CEMIP: variants seen among roughly 807,000 people sequenced by gnomAD.
The protein encoded by CEMIP is cell migration-inducing and hyaluronan-binding protein.
Under a neutral mutation model 156.9 loss-of-function variants are expected in CEMIP, and 105 were observed. That is an observed-to-expected ratio of 0.67 (90% CI 0.57 to 0.79). CEMIP has a LOEUF of 0.79. Ranked by LOEUF, CEMIP falls within the 30% of genes least tolerant of loss-of-function variation. The probability of loss-of-function intolerance (pLI) is 0.00; values close to 1 mark genes in which losing one functional copy is unlikely to be tolerated. For missense variants in CEMIP, 1,457 were observed against 1,769.4 expected, an observed-to-expected ratio of 0.82 and a Z score of 3.17; for synonymous variants, 676 against 668.4, an observed-to-expected ratio of 1.01 and a Z score of -0.17.
Position 80,828,198 on chromosome 15 carries a change from G to A in CEMIP, c.-175-45340G>A, listed in dbSNP as rs10162900. 7.4e-3 allele frequency among the ~76,000 whole-genome samples: 1,131 copies of A among 152,200 alleles called. 16 individuals are homozygous for A. Among genetic ancestry groups the A allele is most frequent in the African/African-American group, 0.025 (1,050 of 41,526 alleles). Reference sequence around the variant, plus strand: ...GTTCGAGACCAGCCTAGCTAACATGGTGAAACCTCGTCTCTACTAAAAATA... The same window carrying A: ...GTTCGAGACCAGCCTAGCTAACATGATGAAACCTCGTCTCTACTAAAAATA... On this transcript the variant is annotated intron_variant, in intron 1 of 29. Coordinates refer to ENST00000394685, the MANE Select transcript of CEMIP (RefSeq NM_001293298.2).
At position 80,932,091 on chromosome 15, in the gene CEMIP, A is replaced by T; in HGVS notation, c.2793+52A>T. ...CGGCAAACCCAGACTTTGGATGGTGATTCACAAGTCCCCTGGGTCCCAGAG... is the reference window on the plus strand; with the variant it reads ...CGGCAAACCCAGACTTTGGATGGTGTTTCACAAGTCCCCTGGGTCCCAGAG... On this transcript the variant is annotated intron_variant, in intron 22 of 29. Transcript: ENST00000394685. This position sits in a 1 kb window ranked among gnomAD's most constrained non-coding sequence, Gnocchi z 4.5. The T allele has an allele frequency of 1.9e-6, 3 of 1,593,032 alleles. No homozygotes were observed. The highest frequency in any genetic ancestry group is 2.6e-6 in the Non-Finnish European group (3 of 1,169,272).
intron 1 of CEMIP, among the ~76,000 whole-genome samples, chr15:80,824,776 T>C (rs1896992802): frequency 6.6e-6 from 1 of 152,198 alleles, no homozygotes; most frequent in South Asian, 2.1e-4. Flanking sequence ...TCTCTTGTCT[T>C]TGATTCTTCC....
Position 80,807,288 on chromosome 15 carries a change from T to A in CEMIP, c.-176+27674T>A, listed in dbSNP as rs1316038485. 5.3e-5 allele frequency among the ~76,000 whole-genome samples: 8 copies of A among 150,966 alleles called. No individual in the cohort carries two copies. In the South Asian group the frequency reaches 1.7e-3, roughly 32 times the overall value. ...TTCTGTCACCAAGGCTAGAGTGCAG[T>A]GGCACAATCATAGCTCACTGCAGCC... On this transcript the variant is annotated intron_variant, in intron 1 of 29. Coordinates refer to ENST00000394685, the MANE Select transcript of CEMIP (RefSeq NM_001293298.2).
rs1177710330 is a variant in CEMIP, at chr15:80,950,239, A to C, written c.*1315A>C. On this transcript the variant is annotated 3_prime_UTR_variant, in exon 30 of 30. Coordinates refer to ENST00000394685, the MANE Select transcript of CEMIP (RefSeq NM_001293298.2). ...AAGCCTTCATTTTAACAGATGGGGA[A>C]AGTGAGCCCCCAAGATGGGAAAGAA... 6.6e-6 allele frequency: 1 copy of C among 152,286 alleles called. No homozygotes were observed. The highest frequency in any genetic ancestry group is 6.5e-5 in the Admixed American group (1 of 15,290). 9.4% of individuals were successfully genotyped at this position (152,286 alleles called of 1,614,324 possible). A position where few individuals can be genotyped will look rare whatever the true frequency, so the allele number is the denominator to read the frequency against.
In CEMIP at chr15:80,932,085, A is replaced by T; in HGVS notation, c.2793+46A>T. The T allele has an allele frequency of 4.4e-6, 7 of 1,601,722 alleles. No homozygotes were observed. Among genetic ancestry groups the T allele is most frequent in the Non-Finnish European group, 6.0e-6 (7 of 1,176,264 alleles). On this transcript the variant is annotated intron_variant, in intron 22 of 29. Coordinates refer to ENST00000394685, the MANE Select transcript of CEMIP (RefSeq NM_001293298.2). This position sits in a 1 kb window ranked among gnomAD's most constrained non-coding sequence, Gnocchi z 4.5. ...GACTCCCGGCAAACCCAGACTTTGG[A>T]TGGTGATTCACAAGTCCCCTGGGTC...
At chr15:80,786,324 C>T (rs993646447) in intron 1 of CEMIP, among the ~76,000 whole-genome samples, 2 of 152,128 alleles carry the variant, frequency 1.3e-5, no homozygotes, top group Admixed American at 6.5e-5. Flanking sequence ...GCAGCCCCAA[C>T]CTCCTAGGCT....
intron 1 of CEMIP, among the ~76,000 whole-genome samples, chr15:80,843,672 T>A (rs1203316779): frequency 1.3e-5 from 2 of 152,226 alleles, no homozygotes; most frequent in Admixed American, 6.5e-5. Flanking sequence ...CTAACCCTTT[T>A]GTGGCGTCAG....
rs1254305663 is a variant in CEMIP, at chr15:80,932,362, CT to C, written c.2793+325del. On this transcript the variant is annotated intron_variant, in intron 22 of 29. Transcript: ENST00000394685. The surrounding 1 kb of genome is among the most constrained non-coding windows in gnomAD (Gnocchi z 4.5). ...GGGACTTGACTTTGACAAACTGAGT[CT>C]TCTGACCAGGCCACCTGAGTTGGCA... Among the ~76,000 whole-genome samples, 2 of 152,194 alleles carry C rather than the reference CT, an allele frequency of 1.3e-5. No homozygotes were observed. Among genetic ancestry groups the C allele is most frequent in the African/African-American group, 4.8e-5 (2 of 41,436 alleles).
At chr15:80,827,223 G>A (rs1051525188) in intron 1 of CEMIP, among the ~76,000 whole-genome samples, 1 of 151,946 alleles carries the variant, frequency 6.6e-6, no homozygotes, top group African/African-American at 2.4e-5. Context: ...TACCTGATAT[G>A]AGAAAGGGAG....
In CEMIP at chr15:80,942,314, TG is replaced by T; in HGVS notation, c.3678del (p.Trp1226Ter). 1 of 1,614,168 alleles carries T rather than the reference TG, an allele frequency of 6.2e-7. No individual in the cohort carries two copies. Among genetic ancestry groups the T allele is most frequent in the Non-Finnish European group, 8.5e-7 (1 of 1,179,966 alleles). On this transcript the variant is annotated frameshift_variant, in exon 27 of 30. Transcript: ENST00000394685. LOFTEE classifies it high-confidence loss of function. Reference protein sequence around the residue: ...ESSKQHFFHLWNDFAYIEVDG... With the variant: ...ESSKQHFFHLXNDFAYIEVDG... ...TTCCAAGCAGCACTTCTTCCACCTC[TG>T]GAACGACTTCGCTTACATTGAAGTA... is the stretch of plus-strand genomic sequence containing the variant.
At chr15:80,862,551 G>A (rs556090203) in intron 1 of CEMIP, among the ~76,000 whole-genome samples, 1 of 152,334 alleles carries the variant, frequency 6.6e-6, no homozygotes, top group East Asian at 1.9e-4. Context: ...AGGTCACCTG[G>A]CTGTGGAACA....
At chr15:80,909,023 G>T in intron 13 of CEMIP, 74 bp from the exon 14 acceptor site, 1 of 1,390,604 alleles carries the variant, frequency 7.2e-7, no homozygotes, top group Non-Finnish European at 1.0e-6. Context: ...CTGCATCTTT[G>T]GAATATGGGC....
chr15:80,844,355 C>T (rs929229404), intron 1 of CEMIP, among the ~76,000 whole-genome samples: 4 of 152,254 alleles, frequency 2.6e-5, no homozygotes, highest in Non-Finnish European at 4.4e-5. Context: ...AATGCTCAGG[C>T]GACAAGCAAA....
intron 1 of CEMIP, among the ~76,000 whole-genome samples, chr15:80,810,364 T>G (rs1266167771): frequency 3.9e-5 from 6 of 152,228 alleles, no homozygotes; most frequent in African/African-American, 1.4e-4. Context: ...ACCTGTGTTT[T>G]TTTGTTTGTT....
At chr15:80,841,120 T>C (rs559239970) in intron 1 of CEMIP, among the ~76,000 whole-genome samples, 6 of 152,344 alleles carry the variant, frequency 3.9e-5, no homozygotes, top group Non-Finnish European at 8.8e-5. Flanking sequence ...TGCCAGCTGA[T>C]GGCTGCCATG....
At chr15:80,858,187 A>T (rs1429873776) in intron 1 of CEMIP, among the ~76,000 whole-genome samples, 1 of 152,120 alleles carries the variant, frequency 6.6e-6, no homozygotes, top group Non-Finnish European at 1.5e-5. Context: ...ATGGATTGGG[A>T]TAAGGTGGGG....
In CEMIP at chr15:80,839,350, A is replaced by G. The variant is rs563773353; in HGVS notation, c.-175-34188A>G. Among the ~76,000 whole-genome samples, 126 of 138,326 alleles carry G rather than the reference A, an allele frequency of 9.1e-4. 2 individuals are homozygous for G. The South Asian group carries it at 0.016, about 17-fold the overall frequency. The allele number at this position is 138,326 out of a possible 152,430, so 90.7% of individuals were successfully genotyped here. ...TGTGTGTTTAATTTGTGGCTTCAAC[A>G]GAGGCCAGACTTAAGAATGAATGAA... On this transcript the variant is annotated intron_variant, in intron 1 of 29. Transcript: ENST00000394685.
In CEMIP at chr15:80,943,105, G is replaced by T; in HGVS notation, c.3857+3G>T. Reference sequence around the variant, plus strand: ...TATGTGGCGACCATCCCTGACAAGTGAGTCTGTACCTCTGCTTCTGGAATT... The same window carrying T: ...TATGTGGCGACCATCCCTGACAAGTTAGTCTGTACCTCTGCTTCTGGAATT... On this transcript the variant is annotated splice_donor_region_variant and intron_variant, in intron 28 of 29. Coordinates refer to ENST00000394685, the MANE Select transcript of CEMIP (RefSeq NM_001293298.2). 1 of 1,614,206 alleles carries T rather than the reference G, an allele frequency of 6.2e-7. No homozygotes were observed. Among genetic ancestry groups the T allele is most frequent in the East Asian group, 2.2e-5 (1 of 44,884 alleles).
At chr15:80,874,052 G>C in intron 3 of CEMIP, 79 bp downstream of exon 3, 1 of 1,368,168 alleles carries the variant, frequency 7.3e-7, no homozygotes, top group Non-Finnish European at 1.0e-6. Flanking sequence ...CTGCTTTTGG[G>C]GGAGCCAGGA....
Sources: allele counts gnomAD v4.1 joint callset (sites outside exome capture counted in the v4.1 genomes callset), GRCh38; gene constraint gnomAD v4.1.1; non-coding constraint Gnocchi (gnomAD v3.1); transcripts MANE v1.5; gene names NCBI Gene and HGNC (gene_info 2026-07-23, HGNC 2026-07-21).